The following BACH2 variants were observed in gnomAD, a reference collection of about 807,000 sequenced individuals.
BACH2 encodes the protein transcription regulator protein BACH2.
A neutral mutation model predicts 61.8 loss-of-function variants in BACH2; 5 were observed. The observed-to-expected ratio is 0.08, with a 90% CI of 0.04 to 0.17. The LOEUF is 0.17. Among genes scored for constraint, BACH2 ranks in the 10% least tolerant of loss-of-function variants. The pLI is 1.00. For missense variants in BACH2, 824 were observed against 1,091.1 expected (o/e 0.76, Z 3.45); for synonymous variants, 446 against 440.1 (o/e 1.01, Z -0.17).
intron 6 of BACH2, among the ~76,000 whole-genome samples, chr6:89,983,600 C>T (rs1363397736): frequency 2.0e-5 from 3 of 152,122 alleles, no homozygotes; most frequent in Non-Finnish European, 4.4e-5. Flanking sequence ...ACCCAGGAGG[C>T]AGAGGTTGCG....
chr6:90,232,982 C>T (rs894075871), intron 3 of BACH2, among the ~76,000 whole-genome samples: 11 of 152,092 alleles, frequency 7.2e-5, no homozygotes, highest in Admixed American at 7.2e-4. Flanking sequence ...CTTCATTAAG[C>T]CTCAAATATT....
chr6:90,098,228 T>C (rs912255385), intron 4 of BACH2, among the ~76,000 whole-genome samples: 3 of 152,218 alleles, frequency 2.0e-5, no homozygotes, highest in African/African-American at 7.2e-5. Flanking sequence ...CCTTAGCTAT[T>C]CAGCATTTAG....
At chr6:90,220,954 G>A (rs1182364903) in intron 3 of BACH2, among the ~76,000 whole-genome samples, 2 of 152,146 alleles carry the variant, frequency 1.3e-5, no homozygotes, top group Non-Finnish European at 2.9e-5. Flanking sequence ...AATTATACAA[G>A]GATCCCTGAG....
At chr6:90,123,966 G>A (rs899420437) in intron 4 of BACH2, among the ~76,000 whole-genome samples, 6 of 152,126 alleles carry the variant, frequency 3.9e-5, no homozygotes, top group Non-Finnish European at 8.8e-5. Context: ...GAAGAAACCC[G>A]ATGGCTGCAT....
At chr6:90,212,261 C>A (rs1769380635) in intron 3 of BACH2, among the ~76,000 whole-genome samples, 1 of 152,148 alleles carries the variant, frequency 6.6e-6, no homozygotes, top group South Asian at 2.1e-4. Context: ...GGGCATGGTG[C>A]TGGGATTGAA....
At position 90,062,897 on chromosome 6, in the gene BACH2, G is replaced by A. The variant is rs919644562; in HGVS notation, c.-13+26064C>T. 3.0e-6 allele frequency: 3 copies of A among 984,870 alleles called. No individual in the cohort carries two copies. The African/African-American group carries it at 5.2e-5, about 17-fold the overall frequency. 61.0% of individuals were successfully genotyped at this position (984,870 alleles called of 1,614,324 possible). On this transcript the variant is annotated intron_variant, in intron 5 of 8. Transcript: ENST00000257749. ...TGAAAGGCTGACCTGGCTCTGCCAA[G>A]ACTTGAACACATTCCAGTTCCTGCT...
chr6:90,111,078 C>T (rs905539942), intron 4 of BACH2, among the ~76,000 whole-genome samples: 2 of 152,150 alleles, frequency 1.3e-5, no homozygotes, highest in African/African-American at 4.8e-5. Context: ...CAGTTTTCCC[C>T]ACCATTACAT....
At chr6:90,123,638 C>T (rs1033790001) in intron 4 of BACH2, among the ~76,000 whole-genome samples, 59 of 150,592 alleles carry the variant, frequency 3.9e-4, no homozygotes, top group Non-Finnish European at 6.7e-4. Flanking sequence ...GGCGTAGTGG[C>T]GGGCGCCTGT....
chr6:89,990,034 A>G lies in BACH2; in HGVS notation c.243+18568T>C, dbSNP rs183384303. Among the ~76,000 whole-genome samples the G allele has an allele frequency of 5.9e-5, 9 of 152,296 alleles. No individual in the cohort carries two copies. In the East Asian group the frequency reaches 1.7e-3, roughly 29 times the overall value. Reference sequence around the variant, plus strand: ...CACTGGCAAAAAATGTCTGGGAACCACTGTTACACTCCAGCTCAACCTTGC... The same window carrying G: ...CACTGGCAAAAAATGTCTGGGAACCGCTGTTACACTCCAGCTCAACCTTGC... On this transcript the variant is annotated intron_variant, in intron 6 of 8. Transcript: ENST00000257749.
chr6:90,205,900 T>G (rs542258644), intron 4 of BACH2, among the ~76,000 whole-genome samples: 1 of 152,296 alleles, frequency 6.6e-6, no homozygotes, highest in South Asian at 2.1e-4. Context: ...GCATCTCAAG[T>G]TGTATTCTTC....
intron 6 of BACH2, among the ~76,000 whole-genome samples, chr6:89,962,890 C>T (rs185690655): frequency 6.6e-6 from 1 of 152,252 alleles, no homozygotes; most frequent in East Asian, 1.9e-4. Context: ...AACTTAAAAT[C>T]TGATTCTATC....
chr6:90,123,030 C>T (rs1267903675), intron 4 of BACH2, among the ~76,000 whole-genome samples: 1 of 152,196 alleles, frequency 6.6e-6, no homozygotes, highest in Non-Finnish European at 1.5e-5. Context: ...CCCAACAATA[C>T]AGGTGTCCTA....
At chr6:89,939,210 T>G (rs866512662) in intron 7 of BACH2, among the ~76,000 whole-genome samples, 1 of 152,168 alleles carries the variant, frequency 6.6e-6, no homozygotes, top group African/African-American at 2.4e-5. Flanking sequence ...GAGAGGCCCA[T>G]GTGGAGAGGG....
intron 5 of BACH2, among the ~76,000 whole-genome samples, chr6:90,020,719 G>A (rs9444729): frequency 0.16 from 24,428 of 151,920 alleles, 2,680 homozygotes; most frequent in African/African-American, 0.3. Context: ...ACTGAATTCT[G>A]CTTCTCCTGT....
intron 8 of BACH2, among the ~76,000 whole-genome samples, 182 bp downstream of exon 8, chr6:89,937,962 A>AAC (rs879157481): frequency 8.9e-5 from 12 of 134,190 alleles, no homozygotes; most frequent in East Asian, 3.9e-4. Context: ...CAGACACACA[A>AAC]ACACACACAC....
At chr6:90,241,520 C>T (rs17513531) in intron 3 of BACH2, among the ~76,000 whole-genome samples, 40,441 of 152,082 alleles carry the variant, frequency 0.27, 5,870 homozygotes, top group Non-Finnish European at 0.33. Flanking sequence ...AAAATGGGAA[C>T]TGCTGTAAGG....
chr6:90,102,057 C>A (rs1782651488), intron 4 of BACH2, among the ~76,000 whole-genome samples: 1 of 151,946 alleles, frequency 6.6e-6, no homozygotes, highest in African/African-American at 2.4e-5. Flanking sequence ...TTTATTTTTT[C>A]TTCTAATGAA....
At position 90,155,895 on chromosome 6, in the gene BACH2, C is replaced by T. The variant is rs937517188; in HGVS notation, c.-162+50674G>A. 5.9e-5 allele frequency among the ~76,000 whole-genome samples: 9 copies of T among 152,084 alleles called. 1 individual carries two copies. In the Middle Eastern group the frequency reaches 0.01, roughly 172 times the overall value. The stretch of plus-strand genomic sequence containing the variant: ...CAAGCAGGTGTGCAAAAATGCTGGC[C>T]GACTAAAAAAAGTCATGGATGGGTT... On this transcript the variant is annotated intron_variant, in intron 4 of 8. Transcript: ENST00000257749.
At chr6:90,245,604 C>T (rs570434272) in intron 3 of BACH2, among the ~76,000 whole-genome samples, 2 of 152,270 alleles carry the variant, frequency 1.3e-5, no homozygotes, top group South Asian at 2.1e-4. Flanking sequence ...AGTAAGCAGA[C>T]ATTTCTAAAC....
Sources: allele counts gnomAD v4.1 joint callset (sites outside exome capture counted in the v4.1 genomes callset), GRCh38; gene constraint gnomAD v4.1.1; transcripts MANE v1.5; gene names NCBI Gene and HGNC (gene_info 2026-07-23, HGNC 2026-07-21).